The following CEP63 variants were observed in gnomAD, a reference collection of about 807,000 sequenced individuals.
CEP63 encodes the protein centrosomal protein of 63 kDa.
Under a neutral mutation model 89.1 loss-of-function variants are expected in CEP63, and 84 were observed. The ratio of observed to expected loss-of-function variants is 0.94; its 90% confidence interval spans 0.79 to 1.13. The LOEUF is 1.13. CEP63 is among the 50% of genes most tolerant of loss of function. The pLI, the probability that CEP63 is intolerant of heterozygous loss-of-function variation, is 0.00. For synonymous variants in CEP63, 267 were observed against 272.5 expected, an observed-to-expected ratio of 0.98 and a Z score of 0.20; for missense variants, 838 against 813.3, an observed-to-expected ratio of 1.03 and a Z score of -0.37.
intron 8 of CEP63, 37 bp from the exon 9 acceptor site, chr3:134,547,298 A>G: frequency 6.2e-7 from 1 of 1,602,782 alleles, no homozygotes; most frequent in South Asian, 1.1e-5. Flanking sequence ...GTTTGCAGAG[A>G]TAAAGGCGTT....
downstream of CEP63, among the ~76,000 whole-genome samples, chr3:134,569,343 A>G (rs1475585886): frequency 6.6e-6 from 1 of 152,258 alleles, no homozygotes; most frequent in Admixed American, 6.5e-5. Context: ...TGAGCCTGTA[A>G]AATCGAAAGT....
the CEP63 span, among the ~76,000 whole-genome samples, chr3:134,746,982 C>A: frequency 4.6e-4 from 70 of 152,236 alleles, no homozygotes; most frequent in African/African-American, 1.6e-3. Flanking sequence ...TTTTTTTAGT[C>A]ATGAAGTCCT....
chr3:134,697,618 C>A, the CEP63 span, among the ~76,000 whole-genome samples: 1 of 152,172 alleles, frequency 6.6e-6, no homozygotes, highest in African/African-American at 2.4e-5. Context: ...CGGCCCTCTT[C>A]CCTCATGATT....
the CEP63 span, among the ~76,000 whole-genome samples, chr3:134,664,670 T>TGTG: frequency 8.9e-3 from 1,164 of 131,068 alleles, 43 homozygotes; most frequent in East Asian, 0.096. Context: ...TTAAGCAGTT[T>TGTG]TGTGTGTGTG....
the CEP63 span, chr3:134,608,598 C>G: frequency 6.2e-7 from 1 of 1,613,484 alleles, no homozygotes; most frequent in Non-Finnish European, 8.5e-7. Context: ...GAGGACAGTG[C>G]GAAATGCTCC....
At chr3:134,525,635 T>C (rs1577053605) in intron 3 of CEP63, among the ~76,000 whole-genome samples, 1 of 152,224 alleles carries the variant, frequency 6.6e-6, no homozygotes, top group East Asian at 1.9e-4. Context: ...CTGTGTACTT[T>C]AGTCTGTTTT....
chr3:134,740,299 T>C, the CEP63 span, among the ~76,000 whole-genome samples: 3 of 150,290 alleles, frequency 2.0e-5, no homozygotes. Context: ...TATTTATTTA[T>C]TTATTTATTT....
chr3:134,586,856 A>G (rs959071965), intron 10 of CEP63, among the ~76,000 whole-genome samples: 1 of 152,052 alleles, frequency 6.6e-6, no homozygotes, highest in Non-Finnish European at 1.5e-5. Context: ...GTCTTTTCAC[A>G]TAGTCCCATA....
At chr3:134,546,338 A>G (rs773159512) in intron 8 of CEP63, 50 bp downstream of exon 8, 1 of 1,477,724 alleles carries the variant, frequency 6.8e-7, no homozygotes, top group South Asian at 1.2e-5. Flanking sequence ...ATGACTAGGT[A>G]TTAAGCACTA....
chr3:134,689,536 C>G, the CEP63 span, among the ~76,000 whole-genome samples: 1 of 152,228 alleles, frequency 6.6e-6, no homozygotes, highest in South Asian at 2.1e-4. Context: ...ACTGCAACCT[C>G]TGCCTCCTGA....
At chr3:134,508,418 A>AT (rs916500967) in intron 3 of CEP63, among the ~76,000 whole-genome samples, 2 of 152,160 alleles carry the variant, frequency 1.3e-5, no homozygotes, top group African/African-American at 4.8e-5. Context: ...ATCTTGTTTG[A>AT]TTTTTTAAAA....
the CEP63 span, among the ~76,000 whole-genome samples, chr3:134,622,564 T>C: frequency 6.6e-6 from 1 of 151,978 alleles, no homozygotes; most frequent in Non-Finnish European, 1.5e-5. Flanking sequence ...GGAGGAGAAA[T>C]GGGAATTTCA....
the CEP63 span, chr3:134,627,721 T>C: frequency 6.3e-7 from 1 of 1,595,862 alleles, no homozygotes; most frequent in Admixed American, 1.7e-5. Flanking sequence ...CCATGTGCTC[T>C]CTTGAGAATT....
the CEP63 span, among the ~76,000 whole-genome samples, chr3:134,701,965 C>G: frequency 6.6e-6 from 1 of 152,088 alleles, no homozygotes; most frequent in African/African-American, 2.4e-5. Context: ...GGGCTTTGAT[C>G]TAATCTTTGA....
chr3:134,537,690 C>G (rs1025305638), intron 6 of CEP63, among the ~76,000 whole-genome samples: 1 of 152,174 alleles, frequency 6.6e-6, no homozygotes, highest in African/African-American at 2.4e-5. Flanking sequence ...GTCTCCTTTT[C>G]CATGTCTTTC....
At chr3:134,528,360 C>T (rs1475022799) in intron 3 of CEP63, among the ~76,000 whole-genome samples, 3 of 152,092 alleles carry the variant, frequency 2.0e-5, no homozygotes, top group South Asian at 2.1e-4. Context: ...TTTTTCTCCC[C>T]CGTTCTTTGT....
chr3:134,662,634 A>T, the CEP63 span, among the ~76,000 whole-genome samples: 1 of 152,236 alleles, frequency 6.6e-6, no homozygotes, highest in South Asian at 2.1e-4. Flanking sequence ...AGCATGAATA[A>T]AACACAAAGA....
At chr3:134,558,514 G>T (rs1349170245) in intron 13 of CEP63, among the ~76,000 whole-genome samples, 167 bp downstream of exon 13, 2 of 152,084 alleles carry the variant, frequency 1.3e-5, no homozygotes, top group Non-Finnish European at 2.9e-5. Context: ...TTAAAAAATG[G>T]CTGGGGGAGG....
At chr3:134,628,246 A>C in the CEP63 span, 69 of 182,382 alleles carry the variant, frequency 3.8e-4, 2 homozygotes, top group African/African-American at 1.5e-3. Flanking sequence ...GTTCGTGTGA[A>C]GGTCAAAACC....
Sources: gnomAD v4.1 joint callset for allele counts (sites outside exome capture counted in the v4.1 genomes callset) on GRCh38, gnomAD v4.1.1 for gene constraint, MANE v1.5 for transcripts, NCBI Gene and HGNC (gene_info 2026-07-23, HGNC 2026-07-21) for gene names.